FMN1: variants seen among roughly 807,000 people sequenced by gnomAD.
The protein encoded by FMN1 is formin-1.
Under a neutral mutation model 132.4 loss-of-function variants are expected in FMN1, and 110 were observed. The ratio of observed to expected loss-of-function variants is 0.83; its 90% CI spans 0.71 to 0.97. The LOEUF (loss-of-function observed/expected upper bound fraction) is 0.97, where lower values mean the gene tolerates loss of function less well. Among genes scored for constraint, FMN1 ranks in the 50% least tolerant of loss-of-function variants. The pLI, the probability that FMN1 is intolerant of heterozygous loss-of-function variation, is 0.00. For synonymous variants in FMN1, 722 were observed against 651.7 expected (o/e 1.11, Z -1.64); for missense variants, 1,792 against 1,705.3 (o/e 1.05, Z -0.90).
intron 7 of FMN1, among the ~76,000 whole-genome samples, chr15:32,993,783 TTC>T (rs553566610): frequency 1.3e-3 from 197 of 152,094 alleles, no homozygotes; most frequent in African/African-American, 4.5e-3. Context: ...AGAGCGTAAA[TTC>T]TCTCTTGACC....
At chr15:32,955,835 G>T (rs748180618) in intron 9 of FMN1, among the ~76,000 whole-genome samples, 4 of 151,984 alleles carry the variant, frequency 2.6e-5, no homozygotes, top group Admixed American at 6.6e-5. Context: ...GTGCGTGCGC[G>T]CACGTGTCTG....
intron 15 of FMN1, among the ~76,000 whole-genome samples, chr15:32,896,498 T>C (rs1039940970): frequency 1.3e-5 from 2 of 152,190 alleles, no homozygotes; most frequent in Admixed American, 1.3e-4. Flanking sequence ...ATAGTATTGT[T>C]AGCCATGTGT....
intron 4 of FMN1, among the ~76,000 whole-genome samples, chr15:33,139,506 A>G (rs12903383): frequency 0.44 from 66,873 of 152,070 alleles, 15,940 homozygotes; most frequent in South Asian, 0.55. Context: ...CAGGAGAATC[A>G]CTTGAATCCG....
chr15:32,785,781 G>A lies in FMN1; in HGVS notation c.4131-8862C>T, dbSNP rs150734917. Among the ~76,000 whole-genome samples, 134 of 152,086 alleles carry A rather than the reference G, an allele frequency of 8.8e-4. No individual in the cohort carries two copies. The East Asian group carries it at 0.018, about 21-fold the overall frequency. On this transcript the variant is annotated intron_variant, in intron 19 of 20. Coordinates refer to ENST00000616417, the MANE Select transcript of FMN1 (RefSeq NM_001277313.2). Reference sequence around the variant, plus strand: ...TACAGTGTGACTAAAATTAATCACCGCTCGACTCAGATCATGTATGTTTCT... The same window carrying A: ...TACAGTGTGACTAAAATTAATCACCACTCGACTCAGATCATGTATGTTTCT...
At chr15:32,955,819 G>C (rs886070323) in intron 9 of FMN1, among the ~76,000 whole-genome samples, 9 of 151,986 alleles carry the variant, frequency 5.9e-5, no homozygotes, top group Non-Finnish European at 1.3e-4. Context: ...GCGTGTGTGT[G>C]TGTGTGTGCG....
chr15:32,823,895 G>A (rs939269277), intron 17 of FMN1, among the ~76,000 whole-genome samples: 1 of 152,212 alleles, frequency 6.6e-6, no homozygotes, highest in Admixed American at 6.5e-5. Context: ...CTCACAAGGT[G>A]GAAGGCATGG....
chr15:33,048,644 A>AACAAAAAAAAAAAACAAAAACAAAAAC (rs1555388955), intron 6 of FMN1, among the ~76,000 whole-genome samples: 1 of 86,914 alleles, frequency 1.2e-5, no homozygotes, highest in African/African-American at 4.1e-5. Flanking sequence ...AAAAAAAAAA[A>AACAAAAAAAAAAAACAAAAACAAAAAC]AAAAACCAAC....
At chr15:32,988,803 G>C (rs1023004806) in intron 7 of FMN1, among the ~76,000 whole-genome samples, 1 of 152,068 alleles carries the variant, frequency 6.6e-6, no homozygotes, top group African/African-American at 2.4e-5. Flanking sequence ...CATTAAGCTA[G>C]ATTCTAAGAC....
intron 5 of FMN1, chr15:33,067,925 C>G: frequency 6.4e-7 from 1 of 1,563,336 alleles, no homozygotes. Context: ...ACTTGTGTTA[C>G]CTTCTCCTGC....
rs192637946 is a variant in FMN1 at position 32,989,860 on chromosome 15, C to T, written c.2223+18154G>A. On this transcript the variant is annotated intron_variant, in intron 7 of 20. Coordinates refer to ENST00000616417, the MANE Select transcript of FMN1 (RefSeq NM_001277313.2). ...GGTGCAGGAGTTGTCAAGGATGCAT[C>T]TGAGGTTTTTGGCCTAGACTTTTAG... Among the ~76,000 whole-genome samples the T allele has an allele frequency of 2.2e-4, 34 of 152,222 alleles. No individual in the cohort carries two copies. The East Asian group carries it at 6.2e-3, about 28-fold the overall frequency.
chr15:32,924,166 C>T (rs956959828), intron 10 of FMN1, among the ~76,000 whole-genome samples: 1 of 152,158 alleles, frequency 6.6e-6, no homozygotes, highest in East Asian at 1.9e-4. Context: ...CTTCTAAAGT[C>T]CCTGAAGAAT....
chr15:32,817,551 G>T (rs2058092588), intron 17 of FMN1, among the ~76,000 whole-genome samples: 1 of 152,174 alleles, frequency 6.6e-6, no homozygotes, highest in African/African-American at 2.4e-5. Flanking sequence ...TGTCTCTTGG[G>T]TGATATTTGC....
intron 9 of FMN1, among the ~76,000 whole-genome samples, chr15:32,952,276 T>C (rs908804348): frequency 6.6e-5 from 10 of 152,240 alleles, no homozygotes; most frequent in Non-Finnish European, 1.3e-4. Context: ...TGCTACATTC[T>C]GAATCACATT....
chr15:32,839,981 G>A (rs1241346682), intron 17 of FMN1, among the ~76,000 whole-genome samples: 2 of 152,188 alleles, frequency 1.3e-5, no homozygotes. Flanking sequence ...TTCCCTGTGA[G>A]CATTTATTTG....
intron 3 of FMN1, among the ~76,000 whole-genome samples, chr15:33,155,640 CT>C (rs1304095326): frequency 6.6e-6 from 1 of 152,176 alleles, no homozygotes; most frequent in Non-Finnish European, 1.5e-5. Flanking sequence ...TAACTCAAGT[CT>C]TAATCAAGTT....
rs772929868 is a variant in FMN1 at position 32,777,255 on chromosome 15, G to A, written c.4131-336C>T. On this transcript the variant is annotated intron_variant, in intron 19 of 20. Transcript: ENST00000616417. The stretch of plus-strand genomic sequence containing the variant: ...TATCCGGCTTGTGATCCACTTAGCA[G>A]ATAATGAGATGATTTTGAAGAATGA... Among the ~76,000 whole-genome samples the A allele has an allele frequency of 2.6e-5, 4 of 151,934 alleles. No individual in the cohort carries two copies. In the South Asian group the frequency reaches 6.2e-4, roughly 24 times the overall value.
chr15:32,844,842 C>T (rs556166440), intron 17 of FMN1, among the ~76,000 whole-genome samples: 2 of 152,202 alleles, frequency 1.3e-5, no homozygotes, highest in South Asian at 2.1e-4. Context: ...GACAAAATCA[C>T]GTAACAACAG....
At chr15:33,048,030 T>C (rs2036770459) in intron 6 of FMN1, among the ~76,000 whole-genome samples, 1 of 152,234 alleles carries the variant, frequency 6.6e-6, no homozygotes, top group South Asian at 2.1e-4. Context: ...TCAAATATTT[T>C]GAAAAAATTA....
intron 19 of FMN1, among the ~76,000 whole-genome samples, chr15:32,781,083 A>G (rs1045978687): frequency 6.6e-6 from 1 of 152,218 alleles, no homozygotes; most frequent in Admixed American, 6.5e-5. Context: ...TTAAAATCTT[A>G]AAGAATATAT....
Sources: allele counts gnomAD v4.1 joint callset (sites outside exome capture counted in the v4.1 genomes callset), GRCh38; gene constraint gnomAD v4.1.1; transcripts MANE v1.5; gene names NCBI Gene and HGNC (gene_info 2026-07-23, HGNC 2026-07-21).